KCNH8: variants seen among roughly 807,000 people sequenced by gnomAD.
The protein encoded by KCNH8 is potassium voltage-gated channel subfamily H member 8.
KCNH8 carries 70 observed loss-of-function variants against 103.6 expected under a neutral mutation model. The ratio of observed to expected loss-of-function variants is 0.68; its 90% CI spans 0.56 to 0.82. The LOEUF (loss-of-function observed/expected upper bound fraction) is 0.82, where lower values mean the gene tolerates loss of function less well. KCNH8 is among the 40% of genes least tolerant of loss of function. The pLI is 0.00. For synonymous variants in KCNH8, 498 were observed against 489.4 expected, an observed-to-expected ratio of 1.02 and a Z score of -0.23; for missense variants, 1,217 against 1,329.9, an observed-to-expected ratio of 0.92 and a Z score of 1.32.
At position 19,223,375 on chromosome 3, in the gene KCNH8, A is replaced by G. The variant is rs78102863; in HGVS notation, c.77-30279A>G. Among the ~76,000 whole-genome samples the G allele has an allele frequency of 9.0e-3, 1,371 of 152,280 alleles. 18 individuals carry two copies. Among genetic ancestry groups the G allele is most frequent in the African/African-American group, 0.03 (1,265 of 41,548 alleles). ...AACTAATGTAGTCAGATTTTTCCTC[A>G]GTATTGAATAGGTAACTAACTCTTG... On this transcript the variant is annotated intron_variant, in intron 1 of 15. Transcript: ENST00000328405.
intron 10 of KCNH8, among the ~76,000 whole-genome samples, chr3:19,453,280 G>GT (rs2067477634): frequency 2.0e-5 from 3 of 152,078 alleles, no homozygotes; most frequent in Admixed American, 2.0e-4. Context: ...TGGTTACACT[G>GT]AAAGTCCAGA....
chr3:19,193,772 T>C (rs7431863), intron 1 of KCNH8, among the ~76,000 whole-genome samples: 13 of 151,778 alleles, frequency 8.6e-5, no homozygotes, highest in East Asian at 1.9e-4. Context: ...CATTGTTTCA[T>C]TGAAGAAATT....
At chr3:19,220,813 G>A (rs1052296038) in intron 1 of KCNH8, among the ~76,000 whole-genome samples, 3 of 150,968 alleles carry the variant, frequency 2.0e-5, no homozygotes, top group East Asian at 1.9e-4. Context: ...TCTACATTAA[G>A]TCCATTTAAA....
At chr3:19,510,315 A>C in intron 11 of KCNH8, 48 bp from the exon 12 acceptor site, 2 of 1,207,156 alleles carry the variant, frequency 1.7e-6, no homozygotes, top group Non-Finnish European at 2.5e-6. Context: ...CCCAGTCCCA[A>C]ACCACCAGGA....
At chr3:19,363,782 G>T (rs1032972938) in intron 5 of KCNH8, among the ~76,000 whole-genome samples, 1 of 152,036 alleles carries the variant, frequency 6.6e-6, no homozygotes, top group Non-Finnish European at 1.5e-5. Context: ...CCCTGAAAGG[G>T]TATGGACTTT....
At chr3:19,449,112 C>T in intron 8 of KCNH8, 1 of 383,516 alleles carries the variant, frequency 2.6e-6, no homozygotes, top group South Asian at 2.2e-5. Flanking sequence ...TTTCACTCTA[C>T]TGTTCTCCAG....
At position 19,168,589 on chromosome 3, in the gene KCNH8, G is replaced by T. The variant is rs551428223; in HGVS notation, c.76+19794G>T. On this transcript the variant is annotated intron_variant, in intron 1 of 15. Coordinates refer to ENST00000328405, the MANE Select transcript of KCNH8 (RefSeq NM_144633.3). Reference sequence around the variant, plus strand: ...CAGGTCTCAAGGGCTAAGATGATTTGTCTGAGCAAATGGTGATGCACCCCA... The same window carrying T: ...CAGGTCTCAAGGGCTAAGATGATTTTTCTGAGCAAATGGTGATGCACCCCA... Among the ~76,000 whole-genome samples, 25 of 152,218 alleles carry T rather than the reference G, an allele frequency of 1.6e-4. No homozygotes were observed. In the South Asian group the frequency reaches 5.0e-3, roughly 30 times the overall value.
intron 2 of KCNH8, among the ~76,000 whole-genome samples, chr3:19,264,047 T>A (rs1310023524): frequency 6.6e-6 from 1 of 152,060 alleles, no homozygotes; most frequent in Non-Finnish European, 1.5e-5. Flanking sequence ...AGACTTTGCA[T>A]GCCCTCAAAT....
chr3:19,341,514 A>C (rs755106484), intron 3 of KCNH8, among the ~76,000 whole-genome samples: 1 of 152,178 alleles, frequency 6.6e-6, no homozygotes, highest in Non-Finnish European at 1.5e-5. Flanking sequence ...TGTAAACTGC[A>C]TAAACAAATT....
In KCNH8 at chr3:19,213,513, C is replaced by G. The variant is rs1206851594; in HGVS notation, c.77-40141C>G. On this transcript the variant is annotated intron_variant, in intron 1 of 15. Coordinates refer to ENST00000328405, the MANE Select transcript of KCNH8 (RefSeq NM_144633.3). The stretch of plus-strand genomic sequence containing the variant: ...ATCAAAAAACAAAGCCTTGATTTCT[C>G]TTTCCCACCAAAATGCTTCCCCAAT... 2.0e-5 allele frequency among the ~76,000 whole-genome samples: 3 copies of G among 152,274 alleles called. No individual in the cohort carries two copies. In the East Asian group the frequency reaches 5.8e-4, roughly 29 times the overall value.
At chr3:19,356,049 A>G (rs2065878248) in intron 5 of KCNH8, among the ~76,000 whole-genome samples, 1 of 151,882 alleles carries the variant, frequency 6.6e-6, no homozygotes, top group Admixed American at 6.6e-5. Context: ...TAGGAAGGAT[A>G]GGTGTTCATA....
chr3:19,338,046 A>G (rs1285626346), intron 3 of KCNH8, among the ~76,000 whole-genome samples: 1 of 151,966 alleles, frequency 6.6e-6, no homozygotes, highest in Admixed American at 6.6e-5. Flanking sequence ...AAGTCGCTAC[A>G]AATATATATT....
At chr3:19,403,744 C>T (rs952649987) in intron 7 of KCNH8, among the ~76,000 whole-genome samples, 4 of 151,596 alleles carry the variant, frequency 2.6e-5, no homozygotes, top group Non-Finnish European at 5.9e-5. Flanking sequence ...AAAATCATAA[C>T]CACAGTGTCA....
intron 1 of KCNH8, among the ~76,000 whole-genome samples, chr3:19,169,832 C>T (rs1411001733): frequency 6.6e-6 from 1 of 152,168 alleles, no homozygotes; most frequent in Non-Finnish European, 1.5e-5. Flanking sequence ...TATCAAGGAT[C>T]CATACATATT....
intron 1 of KCNH8, among the ~76,000 whole-genome samples, chr3:19,174,685 T>A (rs1428311908): frequency 6.6e-6 from 1 of 152,196 alleles, no homozygotes; most frequent in Non-Finnish European, 1.5e-5. Flanking sequence ...CGCTTTTGGA[T>A]ATAATTATAA....
At chr3:19,385,465 A>G (rs1356643882) in intron 5 of KCNH8, among the ~76,000 whole-genome samples, 2 of 152,182 alleles carry the variant, frequency 1.3e-5, no homozygotes, top group African/African-American at 4.8e-5. Flanking sequence ...CTATGCCTCA[A>G]TCTACCTGAT....
At chr3:19,284,546 TGTGTGTGAGG>T (rs1423554944) in intron 3 of KCNH8, among the ~76,000 whole-genome samples, 2 of 147,514 alleles carry the variant, frequency 1.4e-5, no homozygotes, top group African/African-American at 5.3e-5. Flanking sequence ...TGTGTGTGTG[TGTGTGTGAGG>T]GAGAGAGAGA....
intron 7 of KCNH8, among the ~76,000 whole-genome samples, chr3:19,435,630 G>A (rs571574123): frequency 1.3e-5 from 2 of 152,164 alleles, no homozygotes; most frequent in Non-Finnish European, 2.9e-5. Flanking sequence ...AATTATAGGT[G>A]TGATTAAGTA....
At chr3:19,501,379 CTA>C (rs1324026533) in intron 11 of KCNH8, among the ~76,000 whole-genome samples, 2 of 152,134 alleles carry the variant, frequency 1.3e-5, no homozygotes, top group Non-Finnish European at 2.9e-5. Flanking sequence ...CCTTCTGAAA[CTA>C]TTCCAATCAA....
Sources: allele counts gnomAD v4.1 joint callset (sites outside exome capture counted in the v4.1 genomes callset), GRCh38; gene constraint gnomAD v4.1.1; transcripts MANE v1.5; gene names NCBI Gene and HGNC (gene_info 2026-07-23, HGNC 2026-07-21).